The following KCNN2 variants were observed in gnomAD, a reference collection of about 807,000 sequenced individuals.
KCNN2 encodes potassium calcium-activated channel subfamily N member 2.
KCNN2 carries 24 observed loss-of-function variants against 55.5 expected under a neutral mutation model. The ratio of observed to expected loss-of-function variants is 0.43; its 90% CI spans 0.31 to 0.61. The LOEUF is 0.61. Ranked by LOEUF, KCNN2 falls within the 20% of genes least tolerant of loss-of-function variation. KCNN2 has a pLI of 0.08. For synonymous variants in KCNN2, 431 were observed against 336.1 expected, an observed-to-expected ratio of 1.28 and a Z score of -3.09; for missense variants, 754 against 853.6, an observed-to-expected ratio of 0.88 and a Z score of 1.45.
chr5:114,089,975 G>A (rs1214284881), intron 1 of KCNN2, among the ~76,000 whole-genome samples: 1 of 152,128 alleles, frequency 6.6e-6, no homozygotes, highest in Non-Finnish European at 1.5e-5. Flanking sequence ...TGTATTCTAT[G>A]TGATGTGGGT....
intron 1 of KCNN2, among the ~76,000 whole-genome samples, chr5:114,076,986 C>T (rs10064864): frequency 0.011 from 1,673 of 152,294 alleles, 45 homozygotes; most frequent in African/African-American, 0.038. Context: ...TGAGCCACCG[C>T]GCCCGGCCAA....
intron 3 of KCNN2, among the ~76,000 whole-genome samples, chr5:114,426,371 C>G (rs191045198): frequency 6.6e-6 from 1 of 152,162 alleles, no homozygotes; most frequent in African/African-American, 2.4e-5. Context: ...ATTCTTTTTA[C>G]CTGTATGTGT....
At chr5:114,251,934 A>G (rs181746079) in intron 2 of KCNN2, among the ~76,000 whole-genome samples, 167 of 135,014 alleles carry the variant, frequency 1.2e-3, no homozygotes, top group African/African-American at 4.3e-3. Flanking sequence ...GCTGAAGTGT[A>G]GTGGTGTGAT....
intron 2 of KCNN2, among the ~76,000 whole-genome samples, chr5:114,274,433 G>A (rs1283975009): frequency 1.3e-5 from 2 of 152,150 alleles, no homozygotes; most frequent in East Asian, 1.9e-4. Flanking sequence ...GGGCAGTAAG[G>A]CCATTTTCAT....
At chr5:114,147,939 C>T (rs1384761123) in intron 1 of KCNN2, among the ~76,000 whole-genome samples, 1 of 152,124 alleles carries the variant, frequency 6.6e-6, no homozygotes, top group Non-Finnish European at 1.5e-5. Context: ...AGAGGTAAAA[C>T]ATTGAATTAA....
At chr5:114,119,689 C>T (rs1751787644) in intron 1 of KCNN2, among the ~76,000 whole-genome samples, 1 of 152,158 alleles carries the variant, frequency 6.6e-6, no homozygotes, top group Non-Finnish European at 1.5e-5. Context: ...TCCACGTGTT[C>T]TAAGAAGCCC....
rs10678384 is a variant in KCNN2 at position 114,189,156 on chromosome 5, A to G, written c.-270-32324A>G. ...ATAGTGTGTGTGTGTGTGTGTGTGT[A>G]TGTGTGTGTGTGTGTAAAGATTTAT... On this transcript the variant is annotated intron_variant, in intron 1 of 10. Coordinates refer to the KCNN2 transcript ENST00000512097. Among the ~76,000 whole-genome samples, 146 of 52,030 alleles carry G rather than the reference A, an allele frequency of 2.8e-3. 1 individual carries two copies. The South Asian group carries it at 0.033, about 12-fold the overall frequency. The allele number at this position is 52,030 out of a possible 152,430, so 34.1% of individuals were successfully genotyped here.
At chr5:114,102,200 T>G (rs903374165) in intron 1 of KCNN2, among the ~76,000 whole-genome samples, 4 of 152,240 alleles carry the variant, frequency 2.6e-5, no homozygotes, top group Non-Finnish European at 5.9e-5. Flanking sequence ...TGAGCTTTTT[T>G]TCATGTGTCT....
chr5:114,449,283 G>A (rs1164598802), intron 3 of KCNN2, among the ~76,000 whole-genome samples: 1 of 152,102 alleles, frequency 6.6e-6, no homozygotes, highest in Non-Finnish European at 1.5e-5. Context: ...TGTGCTCATT[G>A]GCAGTGGCAG....
At chr5:114,446,061 C>T (rs1275398138) in intron 3 of KCNN2, among the ~76,000 whole-genome samples, 1 of 152,180 alleles carries the variant, frequency 6.6e-6, no homozygotes, top group African/African-American at 2.4e-5. Flanking sequence ...GGCCTCCTCC[C>T]CTGGCCCCAG....
intron 1 of KCNN2, among the ~76,000 whole-genome samples, chr5:114,172,642 A>G (rs950230978): frequency 6.7e-6 from 1 of 148,396 alleles, no homozygotes; most frequent in African/African-American, 2.4e-5. Flanking sequence ...ATATATTATA[A>G]TATATAATAT....
At chr5:114,181,337 A>T (rs565733423) in intron 1 of KCNN2, among the ~76,000 whole-genome samples, 4 of 152,270 alleles carry the variant, frequency 2.6e-5, no homozygotes, top group African/African-American at 9.6e-5. Flanking sequence ...TTTAATGTGC[A>T]TTTCACTGAT....
chr5:114,127,387 T>C (rs1751960266), intron 1 of KCNN2, among the ~76,000 whole-genome samples: 1 of 152,186 alleles, frequency 6.6e-6, no homozygotes, highest in Non-Finnish European at 1.5e-5. Flanking sequence ...TTGACTTTTG[T>C]ATACCTGCAG....
At chr5:114,352,897 A>G (rs1304212503) in intron 2 of KCNN2, among the ~76,000 whole-genome samples, 4 of 151,848 alleles carry the variant, frequency 2.6e-5, no homozygotes, top group Admixed American at 2.6e-4. Context: ...AATGTCTGTG[A>G]GGTACAGTTG....
At chr5:114,260,008 C>T (rs1755070567) in intron 2 of KCNN2, among the ~76,000 whole-genome samples, 1 of 152,186 alleles carries the variant, frequency 6.6e-6, no homozygotes, top group Admixed American at 6.5e-5. Context: ...ATCCTTGCTT[C>T]ATCTTTTTCC....
intron 1 of KCNN2, among the ~76,000 whole-genome samples, chr5:114,103,676 A>G (rs1751419956): frequency 6.6e-6 from 1 of 152,038 alleles, no homozygotes; most frequent in Admixed American, 6.6e-5. Context: ...GCATGTATTG[A>G]GATAATTGTG....
In KCNN2 at chr5:114,384,976, T is replaced by G. The variant is rs541334342; in HGVS notation, c.1219-19462T>G. Among the ~76,000 whole-genome samples the G allele has an allele frequency of 3.6e-4, 55 of 152,360 alleles. 1 individual carries two copies. In the South Asian group the frequency reaches 6.4e-3, roughly 18 times the overall value. On this transcript the variant is annotated intron_variant, in intron 2 of 7. Transcript: ENST00000673685. ...AGGAACTGGTCTTAATTATGTTTTT[T>G]TCTACATGTACAGATCTGTCCCTGT...
intron 2 of KCNN2, among the ~76,000 whole-genome samples, chr5:114,373,632 T>C (rs1408832407): frequency 1.9e-5 from 1 of 53,756 alleles, no homozygotes; most frequent in African/African-American, 5.8e-5. Context: ...GGTGTTGTTA[T>C]GAAGATTTTA....
chr5:114,244,474 G>A (rs1183143526), intron 2 of KCNN2, among the ~76,000 whole-genome samples: 5 of 152,136 alleles, frequency 3.3e-5, no homozygotes, highest in South Asian at 2.1e-4. Context: ...GCGGGCACCT[G>A]TGATCCCAGC....
Sources: allele counts gnomAD v4.1 joint callset (sites outside exome capture counted in the v4.1 genomes callset), GRCh38; gene constraint gnomAD v4.1.1; transcripts MANE v1.5; gene names NCBI Gene and HGNC (gene_info 2026-07-23, HGNC 2026-07-21).